The following CUX1 variants were observed in gnomAD, a reference collection of about 807,000 sequenced individuals.
CUX1 encodes the protein cut like homeobox 1, also known as protein CASP.
CUX1 carries 31 observed loss-of-function variants against 158.8 expected under a neutral mutation model. The observed-to-expected ratio is 0.20, with a 90% confidence interval of 0.15 to 0.26. The LOEUF is 0.26. Among genes scored for constraint, CUX1 ranks in the 10% least tolerant of loss-of-function variants. CUX1 has a pLI of 1.00. For missense variants in CUX1, 1,589 were observed against 2,014.6 expected (o/e 0.79, Z 4.04); for synonymous variants, 879 against 862.1 (o/e 1.02, Z -0.34).
intron 1 of CUX1, among the ~76,000 whole-genome samples, chr7:101,883,352 A>G (rs569225637): frequency 3.9e-4 from 60 of 152,324 alleles, no homozygotes; most frequent in African/African-American, 1.4e-3. Context: ...GGATGAAACT[A>G]GCATGAGATA....
chr7:102,064,345 G>A (rs1008854777), intron 3 of CUX1, among the ~76,000 whole-genome samples: 2 of 152,082 alleles, frequency 1.3e-5, no homozygotes, highest in African/African-American at 4.8e-5. Context: ...CAACGGTGCC[G>A]GCTCTAAATG....
At chr7:102,077,914 T>A (rs997868144) in intron 4 of CUX1, among the ~76,000 whole-genome samples, 43 of 152,048 alleles carry the variant, frequency 2.8e-4, no homozygotes, top group African/African-American at 9.2e-4. Context: ...TATTTATTTC[T>A]ACAATGGTGG....
At chr7:101,989,845 G>GC (rs1814869427) in intron 2 of CUX1, among the ~76,000 whole-genome samples, 1 of 152,212 alleles carries the variant, frequency 6.6e-6, no homozygotes, top group South Asian at 2.1e-4. Context: ...GACAAGGTGG[G>GC]CCTGGAGCAG....
intron 1 of CUX1, among the ~76,000 whole-genome samples, chr7:101,841,024 G>A (rs1483788216): frequency 6.6e-6 from 1 of 151,964 alleles, no homozygotes; most frequent in Non-Finnish European, 1.5e-5. Context: ...CTCTCGAGTA[G>A]CTGGGACTAC....
intron 1 of CUX1, among the ~76,000 whole-genome samples, chr7:101,843,175 A>AT (rs1169663760): frequency 4.0e-5 from 6 of 151,106 alleles, no homozygotes; most frequent in African/African-American, 7.3e-5. Context: ...CTATTCTCCT[A>AT]TTTTTTTTGT....
At chr7:102,197,431 T>C in intron 15 of CUX1, 126 bp downstream of exon 15, 1 of 1,188,212 alleles carries the variant, frequency 8.4e-7, no homozygotes, top group Non-Finnish European at 1.2e-6. Context: ...GGTAAAGTTC[T>C]CTTTGCTTCT....
At position 101,934,793 on chromosome 7, in the gene CUX1, C is replaced by T. The variant is rs553222130; in HGVS notation, c.141+18568C>T. Among the ~76,000 whole-genome samples the T allele has an allele frequency of 6.4e-4, 97 of 152,234 alleles. 1 individual carries two copies. In the South Asian group the frequency reaches 0.016, roughly 24 times the overall value. On this transcript the variant is annotated intron_variant, in intron 2 of 23. Transcript: ENST00000292535. ...GAGAAGGGAAAAAGGAGGTGTTTAT[C>T]GCCTTGAAGATGCCTTCCAGCCTTT... is the stretch of plus-strand genomic sequence containing the variant.
intron 11 of CUX1, among the ~76,000 whole-genome samples, chr7:102,180,060 G>T (rs1253595974): frequency 6.6e-6 from 1 of 152,124 alleles, no homozygotes; most frequent in East Asian, 1.9e-4. Context: ...TTTCGCTTTT[G>T]TCGCCGAGAC....
At chr7:102,007,847 C>T (rs1215310661) in intron 2 of CUX1, among the ~76,000 whole-genome samples, 1 of 151,804 alleles carries the variant, frequency 6.6e-6, no homozygotes, top group African/African-American at 2.4e-5. Flanking sequence ...TGGGTTCAAG[C>T]GATTCTACTG....
chr7:101,939,827 G>A (rs1807475925), intron 2 of CUX1, among the ~76,000 whole-genome samples: 1 of 151,862 alleles, frequency 6.6e-6, no homozygotes, highest in African/African-American at 2.4e-5. Flanking sequence ...GCTGAGCGCG[G>A]TAGCTCACAC....
At chr7:102,066,763 G>A (rs1825595630) in intron 3 of CUX1, among the ~76,000 whole-genome samples, 1 of 152,194 alleles carries the variant, frequency 6.6e-6, no homozygotes, top group Admixed American at 6.5e-5. Context: ...AATTCATCTG[G>A]AGAAGCAACT....
intron 2 of CUX1, among the ~76,000 whole-genome samples, chr7:101,971,570 G>A (rs1228502232): frequency 6.6e-6 from 1 of 152,206 alleles, no homozygotes; most frequent in Non-Finnish European, 1.5e-5. Context: ...CAGGCCCTGT[G>A]TACTTTGTAA....
chr7:102,015,876 G>C (rs1056791723), intron 2 of CUX1, among the ~76,000 whole-genome samples: 6 of 152,064 alleles, frequency 3.9e-5, no homozygotes, highest in African/African-American at 1.4e-4. Flanking sequence ...GTGTGGTGGC[G>C]CGATCACGAC....
In CUX1 at chr7:102,229,342, G is replaced by A. The variant is rs551884620; in HGVS notation, c.3433+1673G>A. 9.0e-5 allele frequency among the ~76,000 whole-genome samples: 13 copies of A among 143,994 alleles called. 1 individual carries two copies. Among genetic ancestry groups the A allele is most frequent in the Admixed American group, 2.2e-4 (3 of 13,750 alleles). 94.5% of individuals were successfully genotyped at this position (143,994 alleles called of 152,430 possible). A position where few individuals can be genotyped will look rare whatever the true frequency, so the allele number is the denominator to read the frequency against. On this transcript the variant is annotated intron_variant, in intron 21 of 23. Coordinates refer to ENST00000292535, the MANE Select transcript of CUX1 (RefSeq NM_181552.4). ...TTTTGAGATGGAGCCTCACTCTGTC[G>A]CCCAGGCTGGAGTGCAGTGGCGCAA...
At chr7:102,160,938 C>A (rs371577237) in intron 9 of CUX1, among the ~76,000 whole-genome samples, 1 of 152,080 alleles carries the variant, frequency 6.6e-6, no homozygotes, top group South Asian at 2.1e-4. Context: ...TTATGCTTTG[C>A]GTAGTTTGCC....
intron 3 of CUX1, among the ~76,000 whole-genome samples, chr7:102,034,145 CAA>C (rs10655613): frequency 2.3e-4 from 11 of 48,612 alleles, no homozygotes; most frequent in Admixed American, 1.9e-3. Flanking sequence ...GACTCCATCT[CAA>C]AAAAAAAAAA....
intron 1 of CUX1, among the ~76,000 whole-genome samples, chr7:101,830,365 T>G (rs2906748): frequency 0.15 from 22,429 of 152,246 alleles, 1,800 homozygotes; most frequent in Non-Finnish European, 0.18. Context: ...AACAGCCTGG[T>G]CACAGCGACA....
At chr7:101,937,804 C>T (rs1466748928) in intron 2 of CUX1, among the ~76,000 whole-genome samples, 3 of 152,130 alleles carry the variant, frequency 2.0e-5, no homozygotes, top group Non-Finnish European at 2.9e-5. Context: ...AGAGCCACCG[C>T]GCCCAGCCTA....
chr7:102,053,768 T>C (rs1383017129), intron 3 of CUX1, among the ~76,000 whole-genome samples: 1 of 152,034 alleles, frequency 6.6e-6, no homozygotes, highest in Non-Finnish European at 1.5e-5. Flanking sequence ...TGGAGTATCT[T>C]TTCAAAACTT....
Sources: gnomAD v4.1 joint callset for allele counts (sites outside exome capture counted in the v4.1 genomes callset) on GRCh38, gnomAD v4.1.1 for gene constraint, MANE v1.5 for transcripts, NCBI Gene and HGNC (gene_info 2026-07-23, HGNC 2026-07-21) for gene names.